DENR: variants seen among roughly 807,000 people sequenced by gnomAD.
The protein encoded by DENR is density regulated re-initiation and release factor, also known as density-regulated protein.
A neutral mutation model predicts 30.6 loss-of-function variants in DENR; 6 were observed. The observed-to-expected ratio is 0.20, with a 90% confidence interval of 0.11 to 0.39. The LOEUF (loss-of-function observed/expected upper bound fraction) is 0.39. DENR is among the 10% of genes least tolerant of loss of function. The pLI is 1.00. For missense variants in DENR, 141 were observed against 230.9 expected (o/e 0.61, Z 2.52); for synonymous variants, 78 against 72.1 (o/e 1.08, Z -0.41).
intron 5 of DENR, among the ~76,000 whole-genome samples, chr12:122,765,908 T>C (rs1878835313): frequency 6.6e-6 from 1 of 152,176 alleles, no homozygotes; most frequent in East Asian, 1.9e-4. Flanking sequence ...AAAACTTTGT[T>C]TTACGGCTGT....
chr12:122,755,119 T>TAAGGGAGA (rs1441800881), intron 2 of DENR, among the ~76,000 whole-genome samples: 1 of 152,158 alleles, frequency 6.6e-6, no homozygotes, highest in African/African-American at 2.4e-5. Context: ...TGAGCTTTTC[T>TAAGGGAGA]AAGGGAGAAA....
At chr12:122,764,348 C>T (rs1204312690) in intron 4 of DENR, among the ~76,000 whole-genome samples, 2 of 152,126 alleles carry the variant, frequency 1.3e-5, no homozygotes, top group Non-Finnish European at 2.9e-5. Context: ...CGCTGTAATC[C>T]CAGCACTTTG....
At chr12:122,753,622 T>G in intron 1 of DENR, 71 bp from the exon 2 acceptor site, 1 of 1,219,446 alleles carries the variant, frequency 8.2e-7, no homozygotes, top group Non-Finnish European at 1.2e-6. Context: ...AGGTTTCTGT[T>G]GAGAGGAACA....
At chr12:122,765,104 C>T (rs1051108779) in intron 4 of DENR, among the ~76,000 whole-genome samples, 200 bp from the exon 5 acceptor site, 1 of 152,182 alleles carries the variant, frequency 6.6e-6, no homozygotes, top group South Asian at 2.1e-4. Flanking sequence ...GTTTTCTCTT[C>T]TGTTACCATA....
chr12:122,769,172 A>ATATATG lies in DENR; in HGVS notation c.*100_*105dup. On this transcript the variant is annotated 3_prime_UTR_variant, in exon 8 of 8. Coordinates refer to ENST00000280557, the MANE Select transcript of DENR (RefSeq NM_003677.5). ...TTAAAATATATATATATATACACAT[A>ATATATG]TATATGTATATATACACATATATGT... 8.7e-7 allele frequency: 1 copy of ATATATG among 1,145,060 alleles called. No homozygotes were observed. The highest frequency in any genetic ancestry group is 1.1e-6 in the Non-Finnish European group (1 of 871,976). The allele number at this position is 1,145,060 out of a possible 1,614,324, so 70.9% of individuals were successfully genotyped here. A position where few individuals can be genotyped will look rare whatever the true frequency, so the allele number is the denominator to read the frequency against.
At position 122,769,180 on chromosome 12, in the gene DENR, A is replaced by G. The variant is rs12300133; in HGVS notation, c.*102A>G. On this transcript the variant is annotated 3_prime_UTR_variant, in exon 8 of 8. Coordinates refer to ENST00000280557, the MANE Select transcript of DENR (RefSeq NM_003677.5). ...TATATATATATACACATATATATGT[A>G]TATATACACATATATGTATGTATAC... The G allele has an allele frequency of 2.8e-6, 3 of 1,057,148 alleles. No individual in the cohort carries two copies. Among genetic ancestry groups the G allele is most frequent in the Middle Eastern group, 3.6e-4 (1 of 2,782 alleles). The allele number at this position is 1,057,148 out of a possible 1,614,324, so 65.5% of individuals were successfully genotyped here.
intron 5 of DENR, among the ~76,000 whole-genome samples, chr12:122,765,815 A>C (rs1878831656): frequency 1.3e-5 from 2 of 152,074 alleles, no homozygotes; most frequent in South Asian, 4.1e-4. Flanking sequence ...AAACAGCTAA[A>C]ATTCCTGTGT....
At chr12:122,762,096 T>G (rs1351409754) in intron 2 of DENR, 91 bp from the exon 3 acceptor site, 3 of 850,208 alleles carry the variant, frequency 3.5e-6, no homozygotes, top group Non-Finnish European at 5.1e-6. Context: ...AAATGAAGCA[T>G]TTTCTCAAAT....
Position 122,769,161 on chromosome 12 carries a change from TATATACAC to T in DENR, c.*89_*96del. On this transcript the variant is annotated 3_prime_UTR_variant, in exon 8 of 8. Coordinates refer to ENST00000280557, the MANE Select transcript of DENR (RefSeq NM_003677.5). ...AGAGAGGCCTTTTAAAATATATATATATATACACATATATATGTATATATACACATATA... is the reference window on the plus strand; with the variant it reads ...AGAGAGGCCTTTTAAAATATATATATATATATATGTATATATACACATATA... 8.1e-7 allele frequency: 1 copy of T among 1,229,032 alleles called. No individual in the cohort carries two copies. Among genetic ancestry groups the T allele is most frequent in the Non-Finnish European group, 1.1e-6 (1 of 929,286 alleles). 76.1% of individuals were successfully genotyped at this position (1,229,032 alleles called of 1,614,324 possible).
chr12:122,769,309 C>CATATATGTATACATATATACACAA lies in DENR; in HGVS notation c.*235_*236insATGTATACATATATACACAAATAT. On this transcript the variant is annotated 3_prime_UTR_variant, in exon 8 of 8. Transcript: ENST00000280557. ...ACACATATATGTATACATATATACACATATGTATACATATATATATATTCT... is the reference window on the plus strand; with the variant it reads ...ACACATATATGTATACATATATACACATATATGTATACATATATACACAAATATGTATACATATATATATATTCT... 1 of 737,802 alleles carries CATATATGTATACATATATACACAA rather than the reference C, an allele frequency of 1.4e-6. No homozygotes were observed. Among genetic ancestry groups the CATATATGTATACATATATACACAA allele is most frequent in the African/African-American group, 2.2e-5 (1 of 46,470 alleles). The allele number at this position is 737,802 out of a possible 1,614,324, so 45.7% of individuals were successfully genotyped here.
At chr12:122,753,242 G>A (rs904110567) in intron 1 of DENR, among the ~76,000 whole-genome samples, 5 of 148,766 alleles carry the variant, frequency 3.4e-5, no homozygotes, top group Non-Finnish European at 5.9e-5. Context: ...ATGGCGTTTA[G>A]TTGCCCCCAC....
At chr12:122,762,776 T>C (rs1878736695) in intron 3 of DENR, 69 bp from the exon 4 acceptor site, 1 of 1,090,556 alleles carries the variant, frequency 9.2e-7, no homozygotes, top group Non-Finnish European at 1.3e-6. Flanking sequence ...TAGGGGGTGA[T>C]TTTTAATTAC....
chr12:122,767,617 T>TCTG lies in DENR; in HGVS notation c.412+13_412+14insCTG. The TCTG allele has an allele frequency of 7.0e-7, 1 of 1,426,158 alleles. No homozygotes were observed. The highest frequency in any genetic ancestry group is 1.3e-5 in the South Asian group (1 of 76,452). 88.3% of individuals were successfully genotyped at this position (1,426,158 alleles called of 1,614,324 possible). ...CTTGCAACTTTTGGTGAGTTCAGGC[T>TCTG]TAAGTATATTTAAAATGTGTGAACT... On this transcript the variant is annotated intron_variant, in intron 6 of 7. Coordinates refer to ENST00000280557, the MANE Select transcript of DENR (RefSeq NM_003677.5).
chr12:122,761,269 G>A (rs577384002), intron 2 of DENR, among the ~76,000 whole-genome samples: 11 of 151,828 alleles, frequency 7.2e-5, no homozygotes, highest in Admixed American at 2.6e-4. Context: ...AAAATTAGCC[G>A]GGCGTGGTGG....
rs1338635546 is a variant in DENR at position 122,767,614 on chromosome 12, G to A, written c.412+10G>A. The A allele has an allele frequency of 6.8e-7, 1 of 1,467,102 alleles. No homozygotes were observed. 90.9% of individuals were successfully genotyped at this position (1,467,102 alleles called of 1,614,324 possible). A position where few individuals can be genotyped will look rare whatever the true frequency, so the allele number is the denominator to read the frequency against. ...GGCCTTGCAACTTTTGGTGAGTTCA[G>A]GCTTAAGTATATTTAAAATGTGTGA... is the stretch of plus-strand genomic sequence containing the variant. On this transcript the variant is annotated intron_variant, in intron 6 of 7. Coordinates refer to ENST00000280557, the MANE Select transcript of DENR (RefSeq NM_003677.5).
At chr12:122,762,987 G>T in intron 4 of DENR, 58 bp downstream of exon 4, 1 of 943,238 alleles carries the variant, frequency 1.1e-6, no homozygotes, top group Non-Finnish European at 1.6e-6. Context: ...TGCATGTATG[G>T]CATTATTCTA....
chr12:122,769,060 T>C lies in DENR; in HGVS notation c.579T>C (p.Leu193=), dbSNP rs1237232233. ...TAGATGATGACAGCATCGAAGATCT[T>C]GGAGAAGTAAAGAAGTGAATTTGAA... ...PEVDDDSIED[L]GEVKK is the part of the protein sequence containing the mutation. Residue 193 remains leucine (L), a synonymous_variant, in exon 8 of 8, where the codon CTT becomes CTC. Transcript: ENST00000280557. 3 of 1,610,444 alleles carry C rather than the reference T, an allele frequency of 1.9e-6. No homozygotes were observed. In the African/African-American group the frequency reaches 4.0e-5, roughly 22 times the overall value.
Position 122,766,990 on chromosome 12 carries a change from C to T in DENR, c.296-498C>T, listed in dbSNP as rs184472974. Among the ~76,000 whole-genome samples the T allele has an allele frequency of 3.3e-3, 505 of 152,268 alleles. 2 individuals are homozygous for T. Among genetic ancestry groups the T allele is most frequent in the South Asian group, 0.025 (121 of 4,828 alleles). ...AGACAAGTGAAGTTCCCAAATATAA[C>T]GCCTTTTCTTATCTCTGTACTTGTT... is the stretch of plus-strand genomic sequence containing the variant. On this transcript the variant is annotated intron_variant, in intron 5 of 7. Coordinates refer to ENST00000280557, the MANE Select transcript of DENR (RefSeq NM_003677.5).
Position 122,769,288 on chromosome 12 carries a change from A to T in DENR, c.*210A>T, listed in dbSNP as rs1280430817. 1 of 804,344 alleles carries T rather than the reference A, an allele frequency of 1.2e-6. No individual in the cohort carries two copies. The highest frequency in any genetic ancestry group is 2.9e-5 in the African/African-American group (1 of 34,912). The allele number at this position is 804,344 out of a possible 1,614,324, so 49.8% of individuals were successfully genotyped here. Reference sequence around the variant, plus strand: ...CACATATATGTATACATATATACACATATATGTATACATATATACACATAT... The same window carrying T: ...CACATATATGTATACATATATACACTTATATGTATACATATATACACATAT... On this transcript the variant is annotated 3_prime_UTR_variant, in exon 8 of 8. Transcript: ENST00000280557.
Sources: gnomAD v4.1 joint callset for allele counts (sites outside exome capture counted in the v4.1 genomes callset) on GRCh38, gnomAD v4.1.1 for gene constraint, MANE v1.5 for transcripts, NCBI Gene and HGNC (gene_info 2026-07-23, HGNC 2026-07-21) for gene names.